Variants in CNGA4 observed in about 807,000 individuals in gnomAD.
CNGA4 encodes the protein cyclic nucleotide gated channel subunit alpha 4, also known as cyclic nucleotide-gated channel alpha-4.
CNGA4 carries 32 observed loss-of-function variants against 45.6 expected under a neutral mutation model. The ratio of observed to expected loss-of-function variants is 0.70; its 90% confidence interval spans 0.53 to 0.94. CNGA4 has a LOEUF of 0.94. CNGA4 is among the 40% of genes least tolerant of loss of function. The pLI is 0.00. For missense variants in CNGA4, 726 were observed against 755.1 expected, an observed-to-expected ratio of 0.96 and a Z score of 0.45; for synonymous variants, 293 against 304.6, an observed-to-expected ratio of 0.96 and a Z score of 0.40.
At chr11:6,237,947 A>T (rs544723844), upstream of CNGA4, among the ~76,000 whole-genome samples, 1 of 152,146 alleles carries the variant, frequency 6.6e-6, no homozygotes, top group African/African-American at 2.4e-5. Flanking sequence ...CTCATCTCTC[A>T]CCACTACCCG....
chr11:6,239,428 G>T lies in CNGA4; in HGVS notation c.107G>T (p.Trp36Leu). 2 of 1,614,202 alleles carry T rather than the reference G, an allele frequency of 1.2e-6. No individual in the cohort carries two copies. Among genetic ancestry groups the T allele is most frequent in the South Asian group, 1.1e-5 (1 of 91,086 alleles). The stretch of plus-strand genomic sequence containing the variant: ...GACCCATCTGGGGATTACTACTACT[G>T]GTGGCTGAACACAATGGTCTTCCCA... ...VLDPSGDYYY[W>L]WLNTMVFPVM... The change falls in exon 2 of 6, where the codon TGG becomes TTG. Residue 36 changes from tryptophan (W) to leucine (L), a missense_variant. Physicochemically the swap from Trp to Leu is moderately conservative, Grantham distance 61. Transcript: ENST00000379936.
chr11:6,243,450 C>T (rs769360875), intron 5 of CNGA4, among the ~76,000 whole-genome samples: 2 of 152,142 alleles, frequency 1.3e-5, no homozygotes, highest in Admixed American at 6.5e-5. Context: ...AACCAGCTCT[C>T]GACTCACTAA....
chr11:6,243,920 G>A, intron 5 of CNGA4, 29 bp from the exon 6 acceptor site: 1 of 1,598,402 alleles, frequency 6.3e-7, no homozygotes, highest in Admixed American at 1.7e-5. Flanking sequence ...CCTACTAACT[G>A]TCCTCCCATC....
At chr11:6,242,250 G>A (rs1339127416) in intron 5 of CNGA4, among the ~76,000 whole-genome samples, 1 of 151,928 alleles carries the variant, frequency 6.6e-6, no homozygotes. Flanking sequence ...TTTGCCCAAC[G>A]TCGCACAGGT....
downstream of CNGA4, among the ~76,000 whole-genome samples, chr11:6,244,934 C>A (rs1467105940): frequency 6.6e-6 from 1 of 152,156 alleles, no homozygotes; most frequent in Non-Finnish European, 1.5e-5. The surrounding 1 kb of genome is among the most constrained non-coding windows in gnomAD (Gnocchi z 4.5). Context: ...CACAAGTATA[C>A]CCTGAAAGTT....
At chr11:6,243,277 C>A (rs1847943396) in intron 5 of CNGA4, among the ~76,000 whole-genome samples, 1 of 152,150 alleles carries the variant, frequency 6.6e-6, no homozygotes, top group African/African-American at 2.4e-5. Flanking sequence ...GCTCACAGTT[C>A]TTCAGGATTT....
intron 2 of CNGA4, 88 bp from the exon 3 acceptor site, chr11:6,239,596 G>A (rs1341607727): frequency 6.5e-7 from 1 of 1,550,292 alleles, no homozygotes; most frequent in African/African-American, 1.4e-5. Context: ...CCATGGGAGG[G>A]CCTGAGGCAG....
chr11:6,239,244 G>T lies in CNGA4; in HGVS notation c.38G>T (p.Ser13Ile). Reference sequence around the variant, plus strand: ...ACCAAAGTGAAGACAACAGAGTCCAGTCCCCCAGCCCCATCCAAGGCCAGG... The same window carrying T: ...ACCAAAGTGAAGACAACAGAGTCCATTCCCCCAGCCCCATCCAAGGCCAGG... Reference protein sequence around the residue: ...QDTKVKTTESSPPAPSKARKL... With the variant: ...QDTKVKTTESIPPAPSKARKL... The change falls in exon 1 of 6, where the codon AGT becomes ATT. Residue 13 changes from serine to isoleucine, a missense_variant. Transcript: ENST00000379936. 2 of 1,614,148 alleles carry T rather than the reference G, an allele frequency of 1.2e-6. No homozygotes were observed. The highest frequency in any genetic ancestry group is 2.7e-5 in the African/African-American group (2 of 75,068).
At chr11:6,239,040 G>T (rs553970560), upstream of CNGA4, 10 of 1,473,290 alleles carry the variant, frequency 6.8e-6, no homozygotes, top group Admixed American at 7.5e-5. Flanking sequence ...CCCTTCAGTA[G>T]CGCTAGCTCT....
chr11:6,243,384 C>T (rs1437219633), intron 5 of CNGA4, among the ~76,000 whole-genome samples: 3 of 152,130 alleles, frequency 2.0e-5, no homozygotes, highest in African/African-American at 4.8e-5. Flanking sequence ...GCATGTCACA[C>T]GGTGAAAGCA....
upstream of CNGA4, chr11:6,235,487 A>G: frequency 1.0e-6 from 1 of 985,366 alleles, no homozygotes; most frequent in Non-Finnish European, 1.2e-6. Flanking sequence ...AGCACTTAGC[A>G]TGATTTGCAT....
upstream of CNGA4, among the ~76,000 whole-genome samples, chr11:6,235,301 CACCGCTGTGCTGT>C (rs1847815766): frequency 6.6e-6 from 1 of 152,198 alleles, no homozygotes; most frequent in African/African-American, 2.4e-5. Flanking sequence ...GCTCCCCCAA[CACCGCTGTGCTGT>C]GCTGCTCCGT....
In CNGA4 at chr11:6,239,671, C is replaced by A; in HGVS notation, c.165-13C>A. The A allele has an allele frequency of 6.2e-7, 1 of 1,613,228 alleles. No homozygotes were observed. The highest frequency in any genetic ancestry group is 8.5e-7 in the Non-Finnish European group (1 of 1,179,454). ...GTGCCCTTAATTCAATCATGCTTAA[C>A]CCTGCCCTGCAGAGCCTGCTTCCCC... On this transcript the variant is annotated splice_polypyrimidine_tract_variant and intron_variant, in intron 2 of 5. Coordinates refer to ENST00000379936, the MANE Select transcript of CNGA4 (RefSeq NM_001037329.4).
At chr11:6,243,492 G>A (rs1044757847) in intron 5 of CNGA4, among the ~76,000 whole-genome samples, 1 of 152,118 alleles carries the variant, frequency 6.6e-6, no homozygotes, top group East Asian at 1.9e-4. Context: ...TGAAGGATTC[G>A]CCCCCATAAT....
Position 6,241,537 on chromosome 11 carries a change from A to G in CNGA4, c.1024A>G (p.Thr342Ala). 1 of 1,614,048 alleles carries G rather than the reference A, an allele frequency of 6.2e-7. No individual in the cohort carries two copies. Among genetic ancestry groups the G allele is most frequent in the East Asian group, 2.2e-5 (1 of 44,870 alleles). ...AGTGGCTGTGTCTGTGCACCTGTCC[A>G]CTCTGAGCCGGGTGCAGATCTTTCA... ...AEVAVSVHLS[T>A]LSRVQIFQNC... The change falls in exon 5 of 6, where the codon ACT becomes GCT. Residue 342 changes from threonine (T) to alanine (A), a missense_variant. Physicochemically the swap from Thr to Ala is moderately conservative, Grantham distance 58 (BLOSUM62 0). Transcript: ENST00000379936.
rs775694622 is a variant in CNGA4 at position 6,244,239 on chromosome 11, T to C, written c.1558T>C (p.Ser520Pro). The C allele has an allele frequency of 1.2e-6, 2 of 1,613,718 alleles. No individual in the cohort carries two copies. Residue 520 changes from serine (S) to proline (P), a missense_variant, in exon 6 of 6, where the codon TCC becomes CCC. Physicochemically the swap from Ser to Pro is moderately conservative, Grantham distance 74. Transcript: ENST00000379936. This position sits in a 1 kb window ranked among gnomAD's most constrained non-coding sequence, Gnocchi z 4.5. ...KFARLLAELE[S>P]SALKIAYRIE... ...TGCTCGCCTCCTGGCTGAGCTGGAGTCCAGCGCACTTAAGATTGCTTACCG... is the reference window on the plus strand; with the variant it reads ...TGCTCGCCTCCTGGCTGAGCTGGAGCCCAGCGCACTTAAGATTGCTTACCG...
rs756919148 is a variant in CNGA4 at position 6,241,466 on chromosome 11, A to G, written c.953A>G (p.Asn318Ser). Residue 318 changes from asparagine (N) to serine (S), a missense_variant, in exon 5 of 6, where the codon AAC (asparagine) becomes AGC (serine). Transcript: ENST00000379936. ...CTGCAGATCAACAAGAAGATGACCAACGAGGTAGCCATCTTACAGCACTTG... is the reference window on the plus strand; with the variant it reads ...CTGCAGATCAACAAGAAGATGACCAGCGAGGTAGCCATCTTACAGCACTTG... ...QHLQINKKMT[N>S]EVAILQHLPE... 6.9e-6 allele frequency: 11 copies of G among 1,598,980 alleles called. No individual in the cohort carries two copies. In the South Asian group the frequency reaches 1.1e-4, roughly 16 times the overall value.
upstream of CNGA4, among the ~76,000 whole-genome samples, chr11:6,237,193 A>G (rs1847849394): frequency 6.6e-6 from 1 of 152,222 alleles, no homozygotes; most frequent in South Asian, 2.1e-4. Flanking sequence ...CCTGCTATAC[A>G]AACTATCACA....
At position 6,244,348 on chromosome 11, in the gene CNGA4, AGG is replaced by A. The variant is rs1480124577; in HGVS notation, c.1669_1670del (p.Gly557AsnfsTer5). 1 of 1,614,044 alleles carries A rather than the reference AGG, an allele frequency of 6.2e-7. No homozygotes were observed. Among genetic ancestry groups the A allele is most frequent in the Admixed American group, 1.7e-5 (1 of 60,014 alleles). On this transcript the variant is annotated frameshift_variant, in exon 6 of 6. Transcript: ENST00000379936. LOFTEE classifies it low-confidence loss of function (END_TRUNC). This position sits in a 1 kb window ranked among gnomAD's most constrained non-coding sequence, Gnocchi z 4.5. Reference sequence around the variant, plus strand: ...GCTGATGACGAGGGTGAGCCTGAGGAGGGAACTTCCAAAGATGAAGAGGGCAG... The same window carrying A: ...GCTGATGACGAGGGTGAGCCTGAGGAGAACTTCCAAAGATGAAGAGGGCAG...
Sources: gnomAD v4.1 joint callset for allele counts (sites outside exome capture counted in the v4.1 genomes callset) on GRCh38, gnomAD v4.1.1 for gene constraint, Gnocchi (gnomAD v3.1) non-coding constraint, MANE v1.5 for transcripts, NCBI Gene and HGNC (gene_info 2026-07-23, HGNC 2026-07-21) for gene names.